The following USP6NL variants were observed in gnomAD, a reference collection of about 807,000 sequenced individuals.
USP6NL encodes the protein USP6 N-terminal like.
In USP6NL, 26 loss-of-function variants were observed where a neutral mutation model predicts 61.9. The ratio of observed to expected loss-of-function variants is 0.42; its 90% CI spans 0.31 to 0.58. USP6NL has a LOEUF of 0.58. USP6NL is among the 20% of genes least tolerant of loss of function. The pLI is 0.16. For synonymous variants in USP6NL, 432 were observed against 390.1 expected (o/e 1.11, Z -1.27); for missense variants, 1,114 against 1,034.3 (o/e 1.08, Z -1.06).
At position 11,553,945 on chromosome 10, in the gene USP6NL, T is replaced by C. The variant is rs1836588468; in HGVS notation, c.5-26378A>G. Among the ~76,000 whole-genome samples the C allele has an allele frequency of 1.3e-5, 2 of 151,550 alleles. No individual in the cohort carries two copies. Among genetic ancestry groups the C allele is most frequent in the South Asian group, 4.2e-4 (2 of 4,802 alleles). The stretch of plus-strand genomic sequence containing the variant: ...GACAAGATGTTTATGTCTCTCCTGA[T>C]GTCTAAGAAATCTAGATATAAGTCA... On this transcript the variant is annotated intron_variant, in intron 2 of 14. Coordinates refer to ENST00000609104, the MANE Select transcript of USP6NL (RefSeq NM_014688.5). The surrounding 1 kb of genome is among the most constrained non-coding windows in gnomAD (Gnocchi z 4.8).
chr10:11,500,058 A>G (rs761671816), intron 7 of USP6NL, among the ~76,000 whole-genome samples: 1 of 152,216 alleles, frequency 6.6e-6, no homozygotes, highest in Non-Finnish European at 1.5e-5. Flanking sequence ...TCAGCAAACT[A>G]ACGCAAGAAC....
Position 11,532,927 on chromosome 10 carries a change from A to G in USP6NL, c.5-5360T>C, listed in dbSNP as rs529713594. On this transcript the variant is annotated intron_variant, in intron 2 of 14. Transcript: ENST00000609104. The surrounding 1 kb of genome is among the most constrained non-coding windows in gnomAD (Gnocchi z 4.1). ...ACTACAAGTACTGTAAGATGGCACT[A>G]CAAATTTTTCCATTCTGTTTTATTT... Among the ~76,000 whole-genome samples the G allele has an allele frequency of 6.6e-6, 1 of 152,318 alleles. No individual in the cohort carries two copies. Among genetic ancestry groups the G allele is most frequent in the South Asian group, 2.1e-4 (1 of 4,834 alleles).
intron 2 of USP6NL, among the ~76,000 whole-genome samples, chr10:11,586,570 T>C (rs1401624818): frequency 6.6e-6 from 1 of 152,134 alleles, no homozygotes; most frequent in African/African-American, 2.4e-5. Context: ...TATATAAAAA[T>C]ATATAGTATC....
intron 2 of USP6NL, among the ~76,000 whole-genome samples, chr10:11,556,662 T>C (rs1159584688): frequency 2.6e-5 from 4 of 152,066 alleles, no homozygotes; most frequent in African/African-American, 7.2e-5. Flanking sequence ...TAGGCAATAA[T>C]CATTACAGGA....
At chr10:11,546,771 C>T (rs572047015) in intron 2 of USP6NL, among the ~76,000 whole-genome samples, 1 of 152,276 alleles carries the variant, frequency 6.6e-6, no homozygotes, top group South Asian at 2.1e-4. Flanking sequence ...GCTTAAACTG[C>T]CTGGCAAGTA....
intron 2 of USP6NL, among the ~76,000 whole-genome samples, chr10:11,568,177 G>A (rs76692489): frequency 0.032 from 4,844 of 151,724 alleles, 98 homozygotes; most frequent in Non-Finnish European, 0.046. Context: ...GTGTGTGTGC[G>A]CGCGCGCGTG....
chr10:11,584,407 T>C (rs1045555420), intron 2 of USP6NL, among the ~76,000 whole-genome samples: 20 of 152,228 alleles, frequency 1.3e-4, no homozygotes, highest in African/African-American at 4.8e-4. Flanking sequence ...GAGAGATTTT[T>C]GTAGAGATTC....
At chr10:11,544,794 T>C (rs548523912) in intron 2 of USP6NL, among the ~76,000 whole-genome samples, 1 of 152,218 alleles carries the variant, frequency 6.6e-6, no homozygotes, top group Admixed American at 6.5e-5. Flanking sequence ...TGGCCAGTAA[T>C]CTAAATTTTC....
intron 2 of USP6NL, among the ~76,000 whole-genome samples, chr10:11,557,042 T>G (rs10905973): frequency 0.085 from 12,975 of 152,238 alleles, 643 homozygotes; most frequent in South Asian, 0.2. Flanking sequence ...CTCCATATCC[T>G]CAAAAGCATT....
rs1836975237 is a variant in USP6NL at position 11,562,360 on chromosome 10, A to G, written c.5-34793T>C. 1.0e-6 allele frequency: 1 copy of G among 983,626 alleles called. No individual in the cohort carries two copies. The highest frequency in any genetic ancestry group is 1.2e-6 in the Non-Finnish European group (1 of 828,502). The allele number at this position is 983,626 out of a possible 1,614,324, so 60.9% of individuals were successfully genotyped here. On this transcript the variant is annotated intron_variant, in intron 2 of 14. Transcript: ENST00000609104. This position sits in a 1 kb window ranked among gnomAD's most constrained non-coding sequence, Gnocchi z 4.8. Reference sequence around the variant, plus strand: ...TGATGGCTTAAGGAAAAGCTTTTGCATTCCTTACACAGGTGACACCAACTT... The same window carrying G: ...TGATGGCTTAAGGAAAAGCTTTTGCGTTCCTTACACAGGTGACACCAACTT...
chr10:11,604,323 G>A (rs1003464478), intron 1 of USP6NL, among the ~76,000 whole-genome samples: 4 of 152,078 alleles, frequency 2.6e-5, no homozygotes, highest in Non-Finnish European at 5.9e-5. Context: ...TTTCCTTAGC[G>A]GTATAAGGAA....
Position 11,496,228 on chromosome 10 carries a change from T to TA in USP6NL, c.385-3001dup. Among the ~76,000 whole-genome samples the TA allele has an allele frequency of 6.6e-6, 1 of 152,326 alleles. No individual in the cohort carries two copies. Among genetic ancestry groups the TA allele is most frequent in the Admixed American group, 6.5e-5 (1 of 15,294 alleles). The stretch of plus-strand genomic sequence containing the variant: ...AGTCTTGGGCTAGCACTGAGGGAGC[T>TA]AAGGAGCTCTAACTGCTTCTGAAAC... On this transcript the variant is annotated intron_variant, in intron 7 of 14. Coordinates refer to ENST00000609104, the MANE Select transcript of USP6NL (RefSeq NM_014688.5). This position sits in a 1 kb window ranked among gnomAD's most constrained non-coding sequence, Gnocchi z 5.4.
At chr10:11,565,698 G>A (rs1347133100) in intron 2 of USP6NL, 1 of 151,922 alleles carries the variant, frequency 6.6e-6, no homozygotes, top group Non-Finnish European at 1.5e-5. Flanking sequence ...TGATGTGCAT[G>A]TCACCACAGC....
At position 11,484,211 on chromosome 10, in the gene USP6NL, A is replaced by G. The variant is rs1833362317; in HGVS notation, c.925+760T>C. ...GTACGTATGAAGCTCTAGAGCTTTC[A>G]ATGATTTTCTTTTCTGCATAGCTAC... On this transcript the variant is annotated intron_variant, in intron 13 of 14. Transcript: ENST00000609104. 2.0e-5 allele frequency among the ~76,000 whole-genome samples: 3 copies of G among 152,290 alleles called. No homozygotes were observed. The South Asian group carries it at 6.2e-4, about 32-fold the overall frequency.
intron 2 of USP6NL, among the ~76,000 whole-genome samples, chr10:11,542,763 T>C (rs1333270795): frequency 2.0e-5 from 3 of 152,116 alleles, no homozygotes; most frequent in African/African-American, 7.2e-5. Flanking sequence ...AAACTCACCA[T>C]GTGGACAAGG....
At chr10:11,549,705 C>A (rs1836414988) in intron 2 of USP6NL, among the ~76,000 whole-genome samples, 1 of 152,146 alleles carries the variant, frequency 6.6e-6, no homozygotes, top group African/African-American at 2.4e-5. Flanking sequence ...GTTTCTAATT[C>A]ATTTTCCTAA....
At chr10:11,526,522 T>A (rs1248798920) in intron 3 of USP6NL, among the ~76,000 whole-genome samples, 1 of 152,246 alleles carries the variant, frequency 6.6e-6, no homozygotes, top group Admixed American at 6.5e-5. Context: ...GAGTTTTTCA[T>A]GGACTACAAT....
At position 11,595,200 on chromosome 10, in the gene USP6NL, T is replaced by C. The variant is rs1209798264; in HGVS notation, c.4+2431A>G. 1.3e-5 allele frequency among the ~76,000 whole-genome samples: 2 copies of C among 152,224 alleles called. No homozygotes were observed. Among genetic ancestry groups the C allele is most frequent in the Non-Finnish European group, 2.9e-5 (2 of 68,046 alleles). ...ACAAGTCACTAAAATGGCACAGCTA[T>C]GCCCCAAACATCTCTGTAGATCAGA... On this transcript the variant is annotated intron_variant, in intron 2 of 14. Transcript: ENST00000609104. The surrounding 1 kb of genome is among the most constrained non-coding windows in gnomAD (Gnocchi z 5.3).
intron 14 of USP6NL, among the ~76,000 whole-genome samples, chr10:11,473,548 G>T (rs561584590): frequency 6.6e-6 from 1 of 152,320 alleles, no homozygotes; most frequent in African/African-American, 2.4e-5. Flanking sequence ...ATTCTTGGAG[G>T]AGGAGCGTAT....
Sources: allele counts gnomAD v4.1 joint callset (sites outside exome capture counted in the v4.1 genomes callset), GRCh38; gene constraint gnomAD v4.1.1; non-coding constraint Gnocchi (gnomAD v3.1); transcripts MANE v1.5; gene names NCBI Gene and HGNC (gene_info 2026-07-23, HGNC 2026-07-21).